Variants in CWC22 observed in about 807,000 individuals in gnomAD.
CWC22 encodes pre-mRNA-splicing factor CWC22 homolog.
In CWC22, 53 loss-of-function variants were observed where a neutral mutation model predicts 117.2. That is an observed-to-expected ratio of 0.45 (90% CI 0.36 to 0.57). The LOEUF (loss-of-function observed/expected upper bound fraction) is 0.57, where lower values mean the gene tolerates loss of function less well. Among genes scored for constraint, CWC22 ranks in the 20% least tolerant of loss-of-function variants. The pLI, the probability that CWC22 is intolerant of heterozygous loss-of-function variation, is 0.00. For synonymous variants in CWC22, 360 were observed against 355.6 expected (o/e 1.01, Z -0.14); for missense variants, 980 against 1,068.8 (o/e 0.92, Z 1.16).
At chr2:179,979,213 A>C (rs1687227011) in intron 5 of CWC22, among the ~76,000 whole-genome samples, 1 of 152,182 alleles carries the variant, frequency 6.6e-6, no homozygotes, top group South Asian at 2.1e-4. Flanking sequence ...AATCATACTA[A>C]AATTCAGTTT....
chr2:179,985,716 T>C (rs1327069527), intron 4 of CWC22, among the ~76,000 whole-genome samples: 4 of 152,098 alleles, frequency 2.6e-5, no homozygotes, highest in Non-Finnish European at 5.9e-5. Flanking sequence ...AGTATATTCT[T>C]ATAATCGTTC....
intron 5 of CWC22, among the ~76,000 whole-genome samples, chr2:179,979,148 A>C (rs67525846): frequency 0.14 from 21,762 of 152,104 alleles, 1,950 homozygotes; most frequent in Admixed American, 0.29. Flanking sequence ...AGTCTGGTGA[A>C]ATCAGTAGAC....
intron 11 of CWC22, 24 bp from the exon 12 acceptor site, chr2:179,966,006 G>A: frequency 6.4e-7 from 1 of 1,571,448 alleles, no homozygotes; most frequent in South Asian, 1.2e-5. Context: ...AGTAAGTTTA[G>A]GAAAAAAATG....
In CWC22 at chr2:179,949,218, A is replaced by C. The variant is rs181599014; in HGVS notation, c.2140+1294T>G. On this transcript the variant is annotated intron_variant, in intron 19 of 19. Coordinates refer to ENST00000410053, the MANE Select transcript of CWC22 (RefSeq NM_020943.3). ...GATGCTACTGAGGGACAGAGACACC[A>C]GAGGTCTGGTAGCCTTGCAGGGCTA... Among the ~76,000 whole-genome samples, 387 of 152,334 alleles carry C rather than the reference A, an allele frequency of 2.5e-3. 1 individual carries two copies. The highest frequency in any genetic ancestry group is 8.6e-3 in the African/African-American group (359 of 41,578).
intron 19 of CWC22, among the ~76,000 whole-genome samples, chr2:179,946,566 A>G (rs1226782746): frequency 6.6e-6 from 1 of 152,088 alleles, no homozygotes; most frequent in African/African-American, 2.4e-5. Flanking sequence ...GACAGTAAAC[A>G]GAAATTTTAT....
chr2:179,982,798 T>C (rs1291836038), intron 4 of CWC22, among the ~76,000 whole-genome samples: 1 of 152,180 alleles, frequency 6.6e-6, no homozygotes, highest in Admixed American at 6.5e-5. Context: ...GAGCGAATTC[T>C]TGCTTTTTGC....
chr2:179,952,453 G>C lies in CWC22; in HGVS notation c.1817+18C>G, dbSNP rs780280166. 2.4e-5 allele frequency: 37 copies of C among 1,547,970 alleles called. No homozygotes were observed. The highest frequency in any genetic ancestry group is 9.6e-6 in the Non-Finnish European group (11 of 1,146,654). ...CCAGAGGTCAATAAGAATAAAAAGTGCTTAATGGCAAACTTACTCATCCTT... is the reference window on the plus strand; with the variant it reads ...CCAGAGGTCAATAAGAATAAAAAGTCCTTAATGGCAAACTTACTCATCCTT... On this transcript the variant is annotated intron_variant, in intron 17 of 19. Transcript: ENST00000410053.
chr2:179,964,436 G>T, intron 13 of CWC22, 111 bp downstream of exon 13: 1 of 580,720 alleles, frequency 1.7e-6, no homozygotes. Context: ...GTCTAAGAAT[G>T]CTGAAATGGT....
At chr2:179,971,124 C>T (rs1364488884) in intron 8 of CWC22, 48 bp from the exon 9 acceptor site, 1 of 1,237,016 alleles carries the variant, frequency 8.1e-7, no homozygotes, top group Non-Finnish European at 1.1e-6. Context: ...CTTTTACATA[C>T]ATTAAATTAT....
chr2:179,952,419 G>A, intron 17 of CWC22, 52 bp downstream of exon 17: 2 of 1,401,636 alleles, frequency 1.4e-6, no homozygotes, highest in Non-Finnish European at 1.9e-6. Context: ...CTGCTACAAT[G>A]GGAGAAAACC....
At chr2:179,954,484 T>A in intron 15 of CWC22, 127 bp from the exon 16 acceptor site, 3 of 589,288 alleles carry the variant, frequency 5.1e-6, no homozygotes, top group Non-Finnish European at 5.7e-6. Context: ...CATATATCAC[T>A]AAATCCTTTT....
chr2:179,947,505 A>G (rs1686340129), intron 19 of CWC22, among the ~76,000 whole-genome samples: 1 of 152,244 alleles, frequency 6.6e-6, no homozygotes, highest in South Asian at 2.1e-4. Flanking sequence ...TATTAATAAA[A>G]CAAAGTTCTC....
intron 3 of CWC22, among the ~76,000 whole-genome samples, chr2:179,987,688 C>G (rs978316330): frequency 5.3e-5 from 8 of 151,146 alleles, no homozygotes; most frequent in Admixed American, 4.6e-4. Context: ...GGTGCTTCTT[C>G]CTTCATAAAT....
At chr2:180,000,040 T>C (rs1055087341) in intron 1 of CWC22, among the ~76,000 whole-genome samples, 1 of 152,154 alleles carries the variant, frequency 6.6e-6, no homozygotes. Context: ...GCTTCGCTCT[T>C]GAACAATATA....
intron 19 of CWC22, among the ~76,000 whole-genome samples, chr2:179,948,963 T>C (rs557343895): frequency 6.6e-6 from 1 of 152,158 alleles, no homozygotes; most frequent in African/African-American, 2.4e-5. Flanking sequence ...TTAGGGGAAG[T>C]TGGAATGAAG....
chr2:179,945,029 C>T lies in CWC22; in HGVS notation c.*100G>A. ...ATTTTTTAAATTTACAAATACAAAC[C>T]AATACTTTATACAAGAATTCTCTAT... On this transcript the variant is annotated 3_prime_UTR_variant, in exon 20 of 20. Coordinates refer to ENST00000410053, the MANE Select transcript of CWC22 (RefSeq NM_020943.3). The T allele has an allele frequency of 1.3e-6, 1 of 773,206 alleles. No individual in the cohort carries two copies. Among genetic ancestry groups the T allele is most frequent in the South Asian group, 2.2e-5 (1 of 45,018 alleles). The allele number at this position is 773,206 out of a possible 1,614,324, so 47.9% of individuals were successfully genotyped here. A position where few individuals can be genotyped will look rare whatever the true frequency, so the allele number is the denominator to read the frequency against.
At chr2:179,967,120 T>C (rs1386695878) in intron 11 of CWC22, among the ~76,000 whole-genome samples, 1 of 152,212 alleles carries the variant, frequency 6.6e-6, no homozygotes, top group African/African-American at 2.4e-5. Flanking sequence ...AGACAGGCAT[T>C]CCTGCTGTTT....
rs377062327 is a variant in CWC22, at chr2:179,950,592, G to C, written c.2060C>G (p.Ser687Cys). ...SSESDSSDSD[S>C]DSSDSSSESS... The stretch of plus-strand genomic sequence containing the variant: ...CTCTGAACTGCTATCACTGCTGTCA[G>C]AATCAGAGTCGGATGAGTCAGACTC... The change falls in exon 19 of 20, where the codon TCT (serine) becomes TGT (cysteine). Residue 687 changes from serine to cysteine, a missense_variant. Physicochemically the swap from Ser to Cys is moderately radical, Grantham distance 112. Around this residue, in one of 3 missense-constraint regions of CWC22, gnomAD observed 306 missense variants for 296.8 expected, o/e 1.03. Coordinates refer to ENST00000410053, the MANE Select transcript of CWC22 (RefSeq NM_020943.3). The C allele has an allele frequency of 4.3e-6, 7 of 1,613,348 alleles. No homozygotes were observed. In the African/African-American group the frequency reaches 8.0e-5, roughly 18 times the overall value.
At chr2:179,950,461 C>T in intron 19 of CWC22, 51 bp downstream of exon 19, 1 of 1,087,836 alleles carries the variant, frequency 9.2e-7, no homozygotes, top group Non-Finnish European at 1.4e-6. Flanking sequence ...TATATATCAG[C>T]AACATATTTA....
Sources: allele counts gnomAD v4.1 joint callset (sites outside exome capture counted in the v4.1 genomes callset), GRCh38; gene constraint gnomAD v4.1.1; regional missense constraint gnomAD v4.1.1; transcripts MANE v1.5; gene names NCBI Gene and HGNC (gene_info 2026-07-23, HGNC 2026-07-21).